SDK1: variants seen among roughly 807,000 people sequenced by gnomAD.
The protein encoded by SDK1 is protein sidekick-1.
SDK1 carries 157 observed loss-of-function variants against 245.5 expected under a neutral mutation model. That is an observed-to-expected ratio of 0.64 (90% confidence interval 0.56 to 0.73). The LOEUF is 0.73. SDK1 is among the 30% of genes least tolerant of loss of function. The pLI, the probability that SDK1 is intolerant of heterozygous loss-of-function variation, is 0.00. For missense variants in SDK1, 3,583 were observed against 3,002.3 expected, an observed-to-expected ratio of 1.19 and a Z score of -4.52; for synonymous variants, 1,647 against 1,278.5, an observed-to-expected ratio of 1.29 and a Z score of -6.15.
intron 4 of SDK1, among the ~76,000 whole-genome samples, chr7:3,760,225 A>C (rs1357317160): frequency 6.6e-6 from 1 of 152,200 alleles, no homozygotes; most frequent in African/African-American, 2.4e-5. Context: ...GTGATGATCC[A>C]GTGCAGTTTT....
chr7:3,901,423 T>C (rs181816352), intron 5 of SDK1, among the ~76,000 whole-genome samples: 1 of 152,324 alleles, frequency 6.6e-6, no homozygotes, highest in Non-Finnish European at 1.5e-5. Flanking sequence ...CTTGACCTTG[T>C]AATCTGCCTG....
intron 3 of SDK1, among the ~76,000 whole-genome samples, chr7:3,641,317 C>T (rs1782640692): frequency 6.6e-6 from 1 of 152,022 alleles, no homozygotes; most frequent in Admixed American, 6.5e-5. Flanking sequence ...GCCTTTTATA[C>T]CTACATTCTA....
At chr7:4,048,115 C>G (rs1471291531) in intron 17 of SDK1, among the ~76,000 whole-genome samples, 4 of 152,146 alleles carry the variant, frequency 2.6e-5, no homozygotes, top group Non-Finnish European at 5.9e-5. Flanking sequence ...GGGAAGGGAG[C>G]CGAGAAGAGT....
chr7:3,456,683 CA>C (rs1274151902), intron 1 of SDK1, among the ~76,000 whole-genome samples: 1 of 152,082 alleles, frequency 6.6e-6, no homozygotes, highest in Non-Finnish European at 1.5e-5. Flanking sequence ...ATAATTCCAA[CA>C]TATGTCTCTT....
chr7:4,045,875 A>C (rs971684931), intron 17 of SDK1, among the ~76,000 whole-genome samples: 3 of 152,206 alleles, frequency 2.0e-5, no homozygotes, highest in East Asian at 1.9e-4. Context: ...TGAAGTAACT[A>C]TTCTTTTTGC....
At chr7:4,219,013 C>T (rs1784992056) in intron 38 of SDK1, among the ~76,000 whole-genome samples, 1 of 152,246 alleles carries the variant, frequency 6.6e-6, no homozygotes, top group African/African-American at 2.4e-5. Flanking sequence ...TGTGAAATCT[C>T]CATTTTCTAT....
At chr7:3,599,582 T>C (rs1199095294) in intron 1 of SDK1, among the ~76,000 whole-genome samples, 1 of 152,326 alleles carries the variant, frequency 6.6e-6, no homozygotes, top group South Asian at 2.1e-4. Flanking sequence ...TTTTTTGAAA[T>C]GTTTTATGGT....
intron 2 of SDK1, among the ~76,000 whole-genome samples, chr7:3,635,620 G>C (rs1466642487): frequency 1.3e-5 from 2 of 152,178 alleles, no homozygotes; most frequent in Non-Finnish European, 2.9e-5. Flanking sequence ...AGTATTACTG[G>C]AACATCTTTT....
At chr7:3,580,489 T>G (rs1375857780) in intron 1 of SDK1, among the ~76,000 whole-genome samples, 1 of 152,054 alleles carries the variant, frequency 6.6e-6, no homozygotes, top group East Asian at 1.9e-4. Context: ...GATAAGGCCA[T>G]CACACCTAGA....
chr7:3,879,448 T>C (rs970236855), intron 5 of SDK1, among the ~76,000 whole-genome samples: 12 of 152,288 alleles, frequency 7.9e-5, no homozygotes, highest in African/African-American at 2.2e-4. Context: ...TTGCCCCTGA[T>C]GTCAGAACTC....
intron 4 of SDK1, among the ~76,000 whole-genome samples, chr7:3,710,946 A>G (rs919665021): frequency 1.3e-5 from 2 of 152,240 alleles, no homozygotes; most frequent in Non-Finnish European, 2.9e-5. Flanking sequence ...CTAAAATACA[A>G]AGTGTATTTG....
intron 35 of SDK1, among the ~76,000 whole-genome samples, chr7:4,193,971 C>T (rs1264409637): frequency 6.6e-6 from 1 of 152,164 alleles, no homozygotes; most frequent in Non-Finnish European, 1.5e-5. Flanking sequence ...ATTTATTTTG[C>T]ATAACTCTCT....
intron 14 of SDK1, among the ~76,000 whole-genome samples, chr7:3,994,174 C>T (rs371421632): frequency 1.3e-5 from 2 of 152,198 alleles, no homozygotes; most frequent in East Asian, 3.8e-4. Flanking sequence ...CTTTGACCCA[C>T]ACACCATAAG....
In SDK1 at chr7:3,900,058, C is replaced by G. The variant is rs189745450; in HGVS notation, c.848-50865C>G. Among the ~76,000 whole-genome samples, 10 of 152,316 alleles carry G rather than the reference C, an allele frequency of 6.6e-5. No homozygotes were observed. The East Asian group carries it at 1.2e-3, about 18-fold the overall frequency. On this transcript the variant is annotated intron_variant, in intron 5 of 44. Coordinates refer to ENST00000404826, the MANE Select transcript of SDK1 (RefSeq NM_152744.4). ...GTATGACACTAACATTTAACAAATA[C>G]GAACATTTTAAAGAGAAAGCAGTTT...
At chr7:4,199,849 G>A (rs988444995) in intron 35 of SDK1, among the ~76,000 whole-genome samples, 3 of 152,102 alleles carry the variant, frequency 2.0e-5, no homozygotes, top group African/African-American at 4.8e-5. Context: ...TGTACTCAGC[G>A]AACCACTCAA....
rs112496649 is a variant in SDK1 at position 3,361,585 on chromosome 7, T to C, written c.298+59701T>C. Among the ~76,000 whole-genome samples, 775 of 152,358 alleles carry C rather than the reference T, an allele frequency of 5.1e-3. 9 individuals are homozygous for C. The highest frequency in any genetic ancestry group is 0.017 in the African/African-American group (710 of 41,584). On this transcript the variant is annotated intron_variant, in intron 1 of 44. Coordinates refer to ENST00000404826, the MANE Select transcript of SDK1 (RefSeq NM_152744.4). ...CTACAATTTTACCCTCCCTCGTTGGTTTATTTTTTAATTGTTTCTAAATCT... is the reference window on the plus strand; with the variant it reads ...CTACAATTTTACCCTCCCTCGTTGGCTTATTTTTTAATTGTTTCTAAATCT...
intron 1 of SDK1, among the ~76,000 whole-genome samples, chr7:3,572,623 G>T (rs1410845716): frequency 6.6e-6 from 1 of 151,934 alleles, no homozygotes; most frequent in East Asian, 1.9e-4. Flanking sequence ...ATTTTATTCT[G>T]ACGAGCTTTA....
At position 3,338,429 on chromosome 7, in the gene SDK1, A is replaced by G. The variant is rs1313024780; in HGVS notation, c.298+36545A>G. Reference sequence around the variant, plus strand: ...ACATTAAGCACTCTTAAGAGCCAAGATAGCTTCCTGAAACATGTGAAGGAA... The same window carrying G: ...ACATTAAGCACTCTTAAGAGCCAAGGTAGCTTCCTGAAACATGTGAAGGAA... On this transcript the variant is annotated intron_variant, in intron 1 of 44. Coordinates refer to ENST00000404826, the MANE Select transcript of SDK1 (RefSeq NM_152744.4). 2.5e-5 allele frequency: 13 copies of G among 526,888 alleles called. 1 individual carries two copies. The highest frequency in any genetic ancestry group is 1.1e-4 in the South Asian group (7 of 64,362). 32.6% of individuals were successfully genotyped at this position (526,888 alleles called of 1,614,324 possible). A position where few individuals can be genotyped will look rare whatever the true frequency, so the allele number is the denominator to read the frequency against.
Position 4,268,029 on chromosome 7 carries a change from G to C in SDK1, c.*2645G>C. 1.0e-6 allele frequency: 1 copy of C among 985,488 alleles called. No homozygotes were observed. The highest frequency in any genetic ancestry group is 1.2e-6 in the Non-Finnish European group (1 of 829,954). The allele number at this position is 985,488 out of a possible 1,614,324, so 61.0% of individuals were successfully genotyped here. On this transcript the variant is annotated 3_prime_UTR_variant, in exon 45 of 45. Coordinates refer to ENST00000404826, the MANE Select transcript of SDK1 (RefSeq NM_152744.4). ...AAGAAAATCACAGCCTAGGAAGATG[G>C]AGGTTGGATTTTAATCTCGGTTTTA...
Sources: allele counts gnomAD v4.1 joint callset (sites outside exome capture counted in the v4.1 genomes callset), GRCh38; gene constraint gnomAD v4.1.1; transcripts MANE v1.5; gene names NCBI Gene and HGNC (gene_info 2026-07-23, HGNC 2026-07-21).